The following GAL variants were observed in gnomAD, a reference collection of about 807,000 sequenced individuals.
The protein encoded by GAL is galanin and GMAP prepropeptide.
In GAL, 14 loss-of-function variants were observed where a neutral mutation model predicts 15.8. That is an observed-to-expected ratio of 0.89 (90% CI 0.59 to 1.39). GAL has a LOEUF of 1.39. GAL is among the 40% of genes most tolerant of loss of function. GAL has a pLI of 0.00. For synonymous variants in GAL, 79 were observed against 73.8 expected, an observed-to-expected ratio of 1.07 and a Z score of -0.36; for missense variants, 176 against 170.4, an observed-to-expected ratio of 1.03 and a Z score of -0.18.
intron 4 of GAL, 73 bp downstream of exon 4, chr11:68,688,173 T>TCCCAG: frequency 1.1e-6 from 1 of 944,354 alleles, no homozygotes; most frequent in Non-Finnish European, 1.7e-6. Flanking sequence ...AGGGGACAGC[T>TCCCAG]GTGGGTGTCG....
At chr11:68,689,549 A>G (rs1945886679) in intron 5 of GAL, among the ~76,000 whole-genome samples, 1 of 152,088 alleles carries the variant, frequency 6.6e-6, no homozygotes, top group Admixed American at 6.5e-5. Context: ...GGTGCGCACA[A>G]TTATGCCTGG....
intron 3 of GAL, among the ~76,000 whole-genome samples, chr11:68,686,849 C>A (rs1238602640): frequency 6.6e-6 from 1 of 152,182 alleles, no homozygotes; most frequent in Non-Finnish European, 1.5e-5. Flanking sequence ...CAGAACTGGT[C>A]AATGAGAACA....
Position 68,684,962 on chromosome 11 carries a change from C to T in GAL, c.39C>T (p.Leu13=), listed in dbSNP as rs1284421543. The T allele has an allele frequency of 4.3e-6, 7 of 1,609,524 alleles. No individual in the cohort carries two copies. Among genetic ancestry groups the T allele is most frequent in the Non-Finnish European group, 5.9e-6 (7 of 1,178,362 alleles). The change falls in exon 2 of 6, where the codon CTC becomes CTT. Residue 13 remains leucine (L), a synonymous_variant. Transcript: ENST00000265643. ...GCGCCCTCCTGCTCGCCTCCCTCCT[C>T]CTCGCCGCGGCCCTTTCTGCCTCTG... The part of the protein sequence containing the change: ...RGSALLLASL[L]LAAALSASAG...
At chr11:68,687,492 G>A (rs771698820) in intron 3 of GAL, among the ~76,000 whole-genome samples, 6 of 151,294 alleles carry the variant, frequency 4.0e-5, no homozygotes, top group Non-Finnish European at 7.4e-5. Flanking sequence ...TGACCCTCTC[G>A]CTCCCTCTGT....
In GAL at chr11:68,688,106, A is replaced by G; in HGVS notation, c.223+6A>G. The G allele has an allele frequency of 6.3e-7, 1 of 1,588,318 alleles. No homozygotes were observed. The highest frequency in any genetic ancestry group is 8.6e-7 in the Non-Finnish European group (1 of 1,156,694). ...CGAAGATGACATGAAACCAGGTGAG[A>G]GGACTCCTATCCCGGGCCCCGGGGC... On this transcript the variant is annotated splice_donor_region_variant and intron_variant, in intron 4 of 5. Coordinates refer to ENST00000265643, the MANE Select transcript of GAL (RefSeq NM_015973.5).
chr11:68,684,740 T>C lies in GAL; in HGVS notation c.-1+8T>C. ...GCGCAGCCGCAGCTCAAGGTACTACTGGCGCCGGGCCGACCCTGCGCCCCC... is the reference window on the plus strand; with the variant it reads ...GCGCAGCCGCAGCTCAAGGTACTACCGGCGCCGGGCCGACCCTGCGCCCCC... On this transcript the variant is annotated splice_region_variant and intron_variant, in intron 1 of 5. Transcript: ENST00000265643. 7.9e-6 allele frequency: 4 copies of C among 504,582 alleles called. No individual in the cohort carries two copies. The highest frequency in any genetic ancestry group is 1.4e-5 in the Non-Finnish European group (4 of 284,266). 31.3% of individuals were successfully genotyped at this position (504,582 alleles called of 1,614,324 possible). A position where few individuals can be genotyped will look rare whatever the true frequency, so the allele number is the denominator to read the frequency against.
At position 68,684,967 on chromosome 11, in the gene GAL, C is replaced by G; in HGVS notation, c.44C>G (p.Ala15Gly). ...SALLLASLLL[A>G]AALSASAGLW... ...CTCCTGCTCGCCTCCCTCCTCCTCG[C>G]CGCGGCCCTTTCTGCCTCTGCGGGG... The change falls in exon 2 of 6, where the codon GCC becomes GGC. Residue 15 changes from alanine (A) to glycine (G), a missense_variant. Ala to Gly is a moderately conservative substitution (Grantham distance 60, BLOSUM62 0). Transcript: ENST00000265643. 6.2e-7 allele frequency: 1 copy of G among 1,609,500 alleles called. No individual in the cohort carries two copies. The highest frequency in any genetic ancestry group is 8.5e-7 in the Non-Finnish European group (1 of 1,178,342).
intron 2 of GAL, 93 bp downstream of exon 2, chr11:68,685,097 C>A: frequency 1.2e-6 from 1 of 831,696 alleles, no homozygotes. Flanking sequence ...CCGCCCTGCC[C>A]GCGGGGATGG....
intron 5 of GAL, among the ~76,000 whole-genome samples, chr11:68,689,752 A>G (rs1945888271): frequency 6.6e-6 from 1 of 152,182 alleles, no homozygotes; most frequent in Non-Finnish European, 1.5e-5. Context: ...CTTAGACTGC[A>G]GTGTTTCTCT....
In GAL at chr11:68,691,079, C is replaced by A. The variant is rs1033307496; in HGVS notation, c.*92C>A. ...TTCGGCCAATTTATGCAGAGTCAGC[C>A]ATTCCTGTTCTCTTTGCCTTGATGT... On this transcript the variant is annotated 3_prime_UTR_variant, in exon 6 of 6. Coordinates refer to ENST00000265643, the MANE Select transcript of GAL (RefSeq NM_015973.5). 1.5e-5 allele frequency: 12 copies of A among 795,642 alleles called. No homozygotes were observed. Among genetic ancestry groups the A allele is most frequent in the African/African-American group, 3.4e-5 (2 of 59,648 alleles). The allele number at this position is 795,642 out of a possible 1,614,324, so 49.3% of individuals were successfully genotyped here.
At chr11:68,690,790 G>T (rs997360163) in intron 5 of GAL, 127 bp from the exon 6 acceptor site, 3 of 692,798 alleles carry the variant, frequency 4.3e-6, no homozygotes, top group Non-Finnish European at 5.3e-6. Context: ...CTGATTCTGG[G>T]TTTAATCTGG....
At chr11:68,690,232 C>G (rs1349947125) in intron 5 of GAL, among the ~76,000 whole-genome samples, 1 of 151,700 alleles carries the variant, frequency 6.6e-6, no homozygotes, top group African/African-American at 2.4e-5. Context: ...TGAGAGTTAA[C>G]AGGGAGCTGG....
intron 5 of GAL, 75 bp downstream of exon 5, chr11:68,689,001 C>T (rs1016340614): frequency 1.5e-5 from 11 of 748,784 alleles, no homozygotes; most frequent in Admixed American, 1.2e-4. Context: ...GAGAAGAGAA[C>T]CCATAGAATC....
At chr11:68,690,883 A>C (rs758215927) in intron 5 of GAL, 34 bp from the exon 6 acceptor site, 1 of 1,414,432 alleles carries the variant, frequency 7.1e-7, no homozygotes, top group South Asian at 1.1e-5. Flanking sequence ...CATATTAAGA[A>C]GTTGCTGCTC....
intron 3 of GAL, among the ~76,000 whole-genome samples, chr11:68,686,506 C>T (rs1177488440): frequency 6.6e-6 from 1 of 152,208 alleles, no homozygotes; most frequent in Non-Finnish European, 1.5e-5. Flanking sequence ...CTCCCCATGC[C>T]AAGGAAAGCT....
intron 4 of GAL, 110 bp downstream of exon 4, chr11:68,688,210 C>A: frequency 1.4e-6 from 1 of 709,890 alleles, no homozygotes; most frequent in Non-Finnish European, 2.5e-6. Flanking sequence ...CAGCCCAAGC[C>A]TGGCCATGAC....
At chr11:68,687,028 G>A (rs2153989815) in intron 3 of GAL, among the ~76,000 whole-genome samples, 1 of 152,290 alleles carries the variant, frequency 6.6e-6, no homozygotes, top group South Asian at 2.1e-4. Context: ...TCTAGGATCT[G>A]CTAGAAATGC....
intron 5 of GAL, 97 bp from the exon 6 acceptor site, chr11:68,690,820 C>A: frequency 1.2e-6 from 1 of 801,466 alleles, no homozygotes; most frequent in Admixed American, 1.7e-5. Flanking sequence ...TTACAGAGGA[C>A]GACCACACGC....
intron 5 of GAL, among the ~76,000 whole-genome samples, chr11:68,690,259 T>C (rs529099070): frequency 6.6e-6 from 1 of 152,154 alleles, no homozygotes; most frequent in Non-Finnish European, 1.5e-5. Context: ...GGAGGAGGGA[T>C]GGACCGTTAG....
Sources: allele counts gnomAD v4.1 joint callset (sites outside exome capture counted in the v4.1 genomes callset), GRCh38; gene constraint gnomAD v4.1.1; transcripts MANE v1.5; gene names NCBI Gene and HGNC (gene_info 2026-07-23, HGNC 2026-07-21).